The following TSC22D1 variants were observed in gnomAD, a reference collection of about 807,000 sequenced individuals.
TSC22D1 encodes the protein TSC22 domain family protein 1.
TSC22D1 carries 9 observed loss-of-function variants against 74.2 expected under a neutral mutation model. That is an observed-to-expected ratio of 0.12 (90% confidence interval 0.07 to 0.21). The LOEUF (loss-of-function observed/expected upper bound fraction) is 0.21, where lower values mean the gene tolerates loss of function less well. Among genes scored for constraint, TSC22D1 ranks in the 10% least tolerant of loss-of-function variants. TSC22D1 has a pLI of 1.00. For synonymous variants in TSC22D1, 586 were observed against 492.5 expected, an observed-to-expected ratio of 1.19 and a Z score of -2.51; for missense variants, 1,427 against 1,304.7, an observed-to-expected ratio of 1.09 and a Z score of -1.44.
chr13:44,437,217 C>T (rs1466651900), intron 1 of TSC22D1: 1 of 985,434 alleles, frequency 1.0e-6, no homozygotes, highest in African/African-American at 1.7e-5. Context: ...CTGTGTCCCG[C>T]GGCTGCTTAA....
At chr13:44,437,265 G>A in intron 1 of TSC22D1, 1 of 985,514 alleles carries the variant, frequency 1.0e-6, no homozygotes, top group Non-Finnish European at 1.2e-6. Flanking sequence ...AACCGTCTGA[G>A]CTACTGGGCA....
In TSC22D1 at chr13:44,433,411, CA is replaced by C. The variant is rs1163932032; in HGVS notation, c.*1214del. The C allele has an allele frequency of 6.6e-6, 1 of 152,392 alleles. No individual in the cohort carries two copies. Among genetic ancestry groups the C allele is most frequent in the Non-Finnish European group, 1.5e-5 (1 of 68,174 alleles). The allele number at this position is 152,392 out of a possible 1,614,324, so 9.4% of individuals were successfully genotyped here. Reference sequence around the variant, plus strand: ...CAGTCAAATCACGCCCCTACTTTTCCAATCATTCCACTGCCCTTCAGGATTT... The same window carrying C: ...CAGTCAAATCACGCCCCTACTTTTCCATCATTCCACTGCCCTTCAGGATTT... On this transcript the variant is annotated 3_prime_UTR_variant, in exon 3 of 3. Transcript: ENST00000458659.
At chr13:44,556,892 C>G (rs915000456) in intron 1 of TSC22D1, among the ~76,000 whole-genome samples, 6 of 152,106 alleles carry the variant, frequency 3.9e-5, no homozygotes, top group Non-Finnish European at 7.4e-5. Context: ...ACCTGTAATC[C>G]CAGCACTTTG....
intron 1 of TSC22D1, among the ~76,000 whole-genome samples, chr13:44,531,107 T>C (rs1229803407): frequency 2.6e-5 from 4 of 152,142 alleles, no homozygotes; most frequent in Non-Finnish European, 5.9e-5. Flanking sequence ...TGAACCCCAA[T>C]GTAAACTATA....
In TSC22D1 at chr13:44,575,371, C is replaced by T; in HGVS notation, c.704G>A (p.Gly235Asp). 1 of 1,613,982 alleles carries T rather than the reference C, an allele frequency of 6.2e-7. No individual in the cohort carries two copies. Among genetic ancestry groups the T allele is most frequent in the Non-Finnish European group, 8.5e-7 (1 of 1,179,978 alleles). The change falls in exon 1 of 3, where the codon GGT becomes GAT. Residue 235 changes from glycine (G) to aspartate (D), a missense_variant. By Grantham distance (94) the Gly-to-Asp change is moderately conservative. Around this residue, in one of 3 missense-constraint regions of TSC22D1, gnomAD observed 1,343 missense variants for 1,191.5 expected, o/e 1.13. Transcript: ENST00000458659. ...AGCAACATGAGATGGATGGTGGTGA[C>T]CATGTTGGAGGTGGTGCCCATGATG... ...QIHHGHHLQH[G>D]HHHPSHVAVA...
At chr13:44,450,126 CA>C (rs147213755) in intron 1 of TSC22D1, among the ~76,000 whole-genome samples, 21,162 of 152,142 alleles carry the variant, frequency 0.14, 1,926 homozygotes, top group Non-Finnish European at 0.21. Flanking sequence ...TGTTGAAAAA[CA>C]AATAAGAGTT....
At chr13:44,568,597 A>C (rs1276731412) in intron 1 of TSC22D1, among the ~76,000 whole-genome samples, 2 of 152,216 alleles carry the variant, frequency 1.3e-5, no homozygotes, top group African/African-American at 4.8e-5. Context: ...TTGGCCTCCC[A>C]AAGTGCTGGA....
At position 44,558,496 on chromosome 13, in the gene TSC22D1, T is replaced by C. The variant is rs183602647; in HGVS notation, c.2912+14667A>G. On this transcript the variant is annotated intron_variant, in intron 1 of 2. Transcript: ENST00000458659. ...GGCTCATGCCTGTAATCCCAGCACT[T>C]TGGGAGGCTGAGGCGGATGGACAGT... 1.7e-3 allele frequency among the ~76,000 whole-genome samples: 265 copies of C among 152,246 alleles called. 1 individual carries two copies. Among genetic ancestry groups the C allele is most frequent in the Middle Eastern group, 3.4e-3 (1 of 294 alleles).
chr13:44,435,953 A>G, intron 2 of TSC22D1, 91 bp downstream of exon 2: 1 of 1,279,936 alleles, frequency 7.8e-7, no homozygotes, highest in Non-Finnish European at 1.1e-6. Flanking sequence ...AATCATCATC[A>G]TCTGAACTTA....
chr13:44,521,580 T>C (rs9525972), intron 1 of TSC22D1, among the ~76,000 whole-genome samples: 16,597 of 151,724 alleles, frequency 0.11, 977 homozygotes, highest in Non-Finnish European at 0.12. Context: ...GTATATGTTG[T>C]GAACAAATGT....
chr13:44,448,433 A>C (rs948275633), intron 1 of TSC22D1, among the ~76,000 whole-genome samples: 4 of 152,158 alleles, frequency 2.6e-5, no homozygotes, highest in Non-Finnish European at 4.4e-5. Flanking sequence ...ACTCTAAAAC[A>C]ATCAGATGAA....
rs59399056 is a variant in TSC22D1, at chr13:44,525,795, CAAAAAAA to C, written c.2912+47361_2912+47367del. On this transcript the variant is annotated intron_variant, in intron 1 of 2. Transcript: ENST00000458659. ...CCAATACATCATATCTAGCTTTTAA[CAAAAAAA>C]AAAAAAAAAAAAAAATAGCCAGGCT... Among the ~76,000 whole-genome samples, 31 of 88,566 alleles carry C rather than the reference CAAAAAAA, an allele frequency of 3.5e-4. No individual in the cohort carries two copies. The East Asian group carries it at 9.6e-3, about 28-fold the overall frequency. The allele number at this position is 88,566 out of a possible 152,430, so 58.1% of individuals were successfully genotyped here. A position where few individuals can be genotyped will look rare whatever the true frequency, so the allele number is the denominator to read the frequency against.
At chr13:44,494,403 A>G (rs1878869351) in intron 1 of TSC22D1, among the ~76,000 whole-genome samples, 4 of 147,754 alleles carry the variant, frequency 2.7e-5, no homozygotes, top group Admixed American at 6.8e-5. Context: ...AAAAAAAAAA[A>G]AAAGATTAGC....
intron 1 of TSC22D1, among the ~76,000 whole-genome samples, chr13:44,507,284 G>A (rs1169299162): frequency 3.3e-5 from 5 of 152,128 alleles, no homozygotes; most frequent in Non-Finnish European, 7.3e-5. Flanking sequence ...AGCAGCAGAG[G>A]TAAGAATAAC....
chr13:44,572,971 A>G (rs908764329), intron 1 of TSC22D1, among the ~76,000 whole-genome samples, 192 bp downstream of exon 1: 28 of 152,224 alleles, frequency 1.8e-4, no homozygotes, highest in Admixed American at 1.6e-3. Context: ...TTGTTTACAT[A>G]TTACTATTAT....
chr13:44,475,878 G>A (rs1877884419), intron 1 of TSC22D1, among the ~76,000 whole-genome samples: 1 of 152,170 alleles, frequency 6.6e-6, no homozygotes, highest in African/African-American at 2.4e-5. Context: ...AGCTCAGCCA[G>A]TCCCTGCAAT....
intron 1 of TSC22D1, among the ~76,000 whole-genome samples, chr13:44,496,161 G>A (rs1007782544): frequency 5.3e-5 from 8 of 152,134 alleles, no homozygotes; most frequent in Non-Finnish European, 8.8e-5. Context: ...AAGACCTTTT[G>A]GGTATACACC....
intron 1 of TSC22D1, among the ~76,000 whole-genome samples, chr13:44,530,801 C>T (rs754780449): frequency 1.6e-4 from 25 of 152,050 alleles, no homozygotes; most frequent in Non-Finnish European, 3.2e-4. Context: ...AATGAGATAC[C>T]ACTACACACC....
intron 1 of TSC22D1, among the ~76,000 whole-genome samples, chr13:44,467,881 C>T (rs575195341): frequency 6.6e-6 from 1 of 152,046 alleles, no homozygotes; most frequent in Admixed American, 6.6e-5. Flanking sequence ...TCCAGCAATC[C>T]CACTACTGGG....
Sources: gnomAD v4.1 joint callset for allele counts (sites outside exome capture counted in the v4.1 genomes callset) on GRCh38, gnomAD v4.1.1 for gene constraint, gnomAD v4.1.1 regional missense constraint, MANE v1.5 for transcripts, NCBI Gene and HGNC (gene_info 2026-07-23, HGNC 2026-07-21) for gene names.